Variants in ZMYND11 observed in about 807,000 individuals in gnomAD.
ZMYND11 encodes zinc finger MYND domain-containing protein 11.
A neutral mutation model predicts 84.9 loss-of-function variants in ZMYND11; 9 were observed. That is an observed-to-expected ratio of 0.11 (90% CI 0.06 to 0.18). The LOEUF is 0.18. Ranked by LOEUF, ZMYND11 falls within the 10% of genes least tolerant of loss-of-function variation. The pLI is 1.00. For missense variants in ZMYND11, 409 were observed against 761.0 expected, an observed-to-expected ratio of 0.54 and a Z score of 5.44; for synonymous variants, 250 against 244.1, an observed-to-expected ratio of 1.02 and a Z score of -0.23.
upstream of ZMYND11, chr10:135,290 G>A (rs1325840420): frequency 6.6e-6 from 1 of 151,190 alleles, no homozygotes; most frequent in Non-Finnish European, 1.5e-5. This position sits in a 1 kb window ranked among gnomAD's most constrained non-coding sequence, Gnocchi z 5.6. Flanking sequence ...GCGCGACCGC[G>A]GCGTTCTCTG....
chr10:161,187 C>CA (rs1452718237), intron 1 of ZMYND11, among the ~76,000 whole-genome samples: 1 of 152,138 alleles, frequency 6.6e-6, no homozygotes, highest in African/African-American at 2.4e-5. Context: ...ATGAAAATAA[C>CA]ACTAATCTCC....
intron 2 of ZMYND11, among the ~76,000 whole-genome samples, chr10:200,318 C>CAT (rs201839733): frequency 0.96 from 136,266 of 142,434 alleles, 65,476 homozygotes; most frequent in Non-Finnish European, 1. Flanking sequence ...TAATATATAA[C>CAT]ATATAATATG....
chr10:181,584 A>C (rs2130736365), intron 2 of ZMYND11, among the ~76,000 whole-genome samples: 1 of 152,282 alleles, frequency 6.6e-6, no homozygotes, highest in Non-Finnish European at 1.5e-5. Flanking sequence ...AGGCCACTGC[A>C]CTCCAACCTG....
intron 2 of ZMYND11, among the ~76,000 whole-genome samples, chr10:200,519 A>G (rs548477718): frequency 2.0e-5 from 3 of 151,396 alleles, no homozygotes; most frequent in South Asian, 2.1e-4. Flanking sequence ...AGCTCAAGTG[A>G]TCTCACCTTG....
At chr10:202,286 C>T (rs1387991729) in intron 2 of ZMYND11, among the ~76,000 whole-genome samples, 1 of 152,080 alleles carries the variant, frequency 6.6e-6, no homozygotes, top group Non-Finnish European at 1.5e-5. Context: ...TTTTGCTTTA[C>T]TTTTGAAGAA....
At chr10:249,151 A>G (rs759997576) in intron 14 of ZMYND11, 63 bp downstream of exon 14, 1 of 1,604,242 alleles carries the variant, frequency 6.2e-7, no homozygotes, top group Non-Finnish European at 8.5e-7. Context: ...GATGCCCGTT[A>G]ATTCAGAAGG....
chr10:194,343 A>T (rs1941224921), intron 2 of ZMYND11, among the ~76,000 whole-genome samples: 2 of 152,132 alleles, frequency 1.3e-5, no homozygotes. Context: ...GGTGTGAGCC[A>T]CCACGCCTGG....
chr10:236,481 GT>G (rs1949990792), intron 4 of ZMYND11, among the ~76,000 whole-genome samples: 1 of 152,150 alleles, frequency 6.6e-6, no homozygotes, highest in Admixed American at 6.5e-5. Context: ...AATTTAAGAT[GT>G]TCCCTCAAAG....
chr10:195,838 A>C (rs2130988080), intron 2 of ZMYND11, among the ~76,000 whole-genome samples: 1 of 152,336 alleles, frequency 6.6e-6, no homozygotes, highest in Non-Finnish European at 1.5e-5. Context: ...CTTGTTCTTC[A>C]CACTACACAT....
chr10:215,517 A>G (rs923034616), intron 3 of ZMYND11, among the ~76,000 whole-genome samples: 1 of 149,934 alleles, frequency 6.7e-6, no homozygotes, highest in Non-Finnish European at 1.5e-5. Context: ...CACGCATGAT[A>G]TTATACTACT....
intron 3 of ZMYND11, among the ~76,000 whole-genome samples, chr10:215,277 G>T (rs1945983282): frequency 6.6e-6 from 1 of 151,680 alleles, no homozygotes; most frequent in Non-Finnish European, 1.5e-5. Flanking sequence ...CCTTGTCATA[G>T]TTAATGCCAG....
At chr10:202,084 A>G (rs980158392) in intron 2 of ZMYND11, among the ~76,000 whole-genome samples, 1 of 152,166 alleles carries the variant, frequency 6.6e-6, no homozygotes, top group Non-Finnish European at 1.5e-5. Context: ...GTACTTGATG[A>G]TCTAAGAAAA....
upstream of ZMYND11, chr10:134,936 C>G (rs1835531013): frequency 6.7e-6 from 1 of 150,026 alleles, no homozygotes; most frequent in Non-Finnish European, 1.5e-5. Flanking sequence ...GGGAGGCGGC[C>G]GCGAGCCGGG....
chr10:248,700 C>A, intron 13 of ZMYND11, 92 bp downstream of exon 13: 1 of 1,459,138 alleles, frequency 6.9e-7, no homozygotes, highest in Non-Finnish European at 9.1e-7. Context: ...CCAGTAGCAG[C>A]TTTTACATGT....
At chr10:195,957 G>T (rs1476749139) in intron 2 of ZMYND11, among the ~76,000 whole-genome samples, 1 of 152,210 alleles carries the variant, frequency 6.6e-6, no homozygotes, top group Admixed American at 6.5e-5. Flanking sequence ...TGACACAGAA[G>T]GGTAAGGACA....
intron 1 of ZMYND11, chr10:154,730 G>A (rs930787815): frequency 1.3e-5 from 2 of 152,144 alleles, no homozygotes; most frequent in Non-Finnish European, 2.9e-5. Flanking sequence ...TTTAATAGAT[G>A]TAAAGATTTT....
chr10:193,004 A>C (rs959792709), intron 2 of ZMYND11, among the ~76,000 whole-genome samples: 11 of 151,992 alleles, frequency 7.2e-5, no homozygotes, highest in Non-Finnish European at 2.9e-5. Context: ...AACTTTTTCC[A>C]TAGTTTTATT....
At chr10:149,614 C>G (rs1554756412) in intron 1 of ZMYND11, among the ~76,000 whole-genome samples, 1 of 152,096 alleles carries the variant, frequency 6.6e-6, no homozygotes, top group East Asian at 1.9e-4. Context: ...TTTGAAAGAA[C>G]AACACAATAG....
intron 2 of ZMYND11, among the ~76,000 whole-genome samples, chr10:202,684 G>A (rs965354893): frequency 6.6e-6 from 1 of 152,080 alleles, no homozygotes; most frequent in Non-Finnish European, 1.5e-5. Context: ...TCTGTGAAAG[G>A]GCTCCCTCAT....
Sources: gnomAD v4.1 joint callset for allele counts (sites outside exome capture counted in the v4.1 genomes callset) on GRCh38, gnomAD v4.1.1 for gene constraint, Gnocchi (gnomAD v3.1) non-coding constraint, MANE v1.5 for transcripts, NCBI Gene and HGNC (gene_info 2026-07-23, HGNC 2026-07-21) for gene names.